TET3: variants seen among roughly 807,000 people sequenced by gnomAD.
TET3 encodes the protein tet methylcytosine dioxygenase 3.
In TET3, 19 loss-of-function variants were observed where a neutral mutation model predicts 141.4. That is an observed-to-expected ratio of 0.13 (90% CI 0.09 to 0.20). TET3 has a LOEUF of 0.20. Ranked by LOEUF, TET3 falls within the 10% of genes least tolerant of loss-of-function variation. The pLI is 1.00. For synonymous variants in TET3, 1,043 were observed against 980.9 expected, an observed-to-expected ratio of 1.06 and a Z score of -1.18; for missense variants, 1,874 against 2,356.9, an observed-to-expected ratio of 0.80 and a Z score of 4.24.
intron 2 of TET3, among the ~76,000 whole-genome samples, chr2:73,997,317 T>C (rs567175706): frequency 6.6e-6 from 1 of 152,292 alleles, no homozygotes; most frequent in East Asian, 1.9e-4. Flanking sequence ...CATGGGTGGC[T>C]CTTTCCTGTC....
chr2:74,068,213 G>A (rs1178226164), intron 4 of TET3, among the ~76,000 whole-genome samples: 1 of 151,792 alleles, frequency 6.6e-6, no homozygotes, highest in African/African-American at 2.4e-5. Context: ...TTTTTTACTG[G>A]AACACAGCTG....
Position 74,087,424 on chromosome 2 carries a change from G to A in TET3, c.2680-406G>A, listed in dbSNP as rs1690223217. ...TTCCACAGTGCCAAGCCCCTTGCAT[G>A]TTAACTAAAAACACACAGGTAGGCA... is the stretch of plus-strand genomic sequence containing the variant. On this transcript the variant is annotated intron_variant, in intron 6 of 11. Coordinates refer to ENST00000409262, the MANE Select transcript of TET3 (RefSeq NM_001287491.2). The surrounding 1 kb of genome is among the most constrained non-coding windows in gnomAD (Gnocchi z 4.3). 6.6e-6 allele frequency among the ~76,000 whole-genome samples: 1 copy of A among 152,092 alleles called. No individual in the cohort carries two copies. The highest frequency in any genetic ancestry group is 2.1e-4 in the South Asian group (1 of 4,830).
chr2:74,066,538 A>G (rs1378652817), intron 4 of TET3, among the ~76,000 whole-genome samples: 1 of 152,160 alleles, frequency 6.6e-6, no homozygotes, highest in East Asian at 1.9e-4. Context: ...TTGTTGTCAG[A>G]TTTCTTCTCT....
chr2:74,055,640 G>A (rs1272248199), intron 4 of TET3, among the ~76,000 whole-genome samples: 1 of 152,216 alleles, frequency 6.6e-6, no homozygotes, highest in Non-Finnish European at 1.5e-5. Context: ...TCTGTGGTTT[G>A]AATGTTGTTG....
the TET3 span, among the ~76,000 whole-genome samples, chr2:74,115,797 T>A: frequency 6.6e-6 from 1 of 152,114 alleles, no homozygotes; most frequent in Admixed American, 6.5e-5. Context: ...GCAGACTGCT[T>A]CAGCCCAGGA....
the TET3 span, chr2:74,130,646 G>A: frequency 6.6e-6 from 1 of 152,300 alleles, no homozygotes; most frequent in Non-Finnish European, 1.5e-5. Flanking sequence ...CTGGACCCGG[G>A]GATCGAGGGC....
chr2:73,990,633 T>C (rs918977052), intron 2 of TET3, among the ~76,000 whole-genome samples: 1 of 152,206 alleles, frequency 6.6e-6, no homozygotes, highest in African/African-American at 2.4e-5. Context: ...CTGAGAATAT[T>C]ATGGGTGAAA....
At chr2:74,034,538 A>G (rs1191235685) in intron 3 of TET3, among the ~76,000 whole-genome samples, 1 of 151,010 alleles carries the variant, frequency 6.6e-6, no homozygotes, top group Non-Finnish European at 1.5e-5. Flanking sequence ...TGAGGTTTGT[A>G]GACTCAGTAG....
intron 6 of TET3, among the ~76,000 whole-genome samples, chr2:74,081,081 G>C (rs1689795846): frequency 6.6e-6 from 1 of 152,238 alleles, no homozygotes; most frequent in South Asian, 2.1e-4. Flanking sequence ...GATCCAACCT[G>C]AGGGAAGAGG....
At chr2:74,124,715 G>C in the TET3 span, among the ~76,000 whole-genome samples, 1 of 152,092 alleles carries the variant, frequency 6.6e-6, no homozygotes, top group East Asian at 1.9e-4. Flanking sequence ...TTAAATAGAT[G>C]CTTGAAGGCA....
chr2:73,987,283 G>A (rs1484916008), intron 2 of TET3, among the ~76,000 whole-genome samples: 3 of 152,100 alleles, frequency 2.0e-5, no homozygotes, highest in Non-Finnish European at 4.4e-5. Flanking sequence ...TGTGTTCTCG[G>A]GACCTGGCAC....
intron 4 of TET3, among the ~76,000 whole-genome samples, chr2:74,070,804 C>T (rs1689162878): frequency 1.3e-5 from 2 of 151,960 alleles, no homozygotes; most frequent in African/African-American, 4.8e-5. Flanking sequence ...CAAAACCCTG[C>T]CTCTACAAAA....
chr2:74,113,536 T>C, the TET3 span, among the ~76,000 whole-genome samples: 1 of 151,952 alleles, frequency 6.6e-6, no homozygotes, highest in Admixed American at 6.6e-5. Flanking sequence ...GGATCACATA[T>C]ATATAAAAAC....
intron 3 of TET3, among the ~76,000 whole-genome samples, chr2:74,019,839 C>T (rs537121647): frequency 6.0e-4 from 91 of 152,324 alleles, no homozygotes; most frequent in South Asian, 4.8e-3. Flanking sequence ...CTCTGAGCCT[C>T]TATCTCATTA....
chr2:74,131,893 T>C, the TET3 span, among the ~76,000 whole-genome samples: 1 of 141,294 alleles, frequency 7.1e-6, no homozygotes. Context: ...ACTTTCCTTT[T>C]AATTTGGGGG....
At chr2:74,023,881 GT>G (rs1686201609) in intron 3 of TET3, among the ~76,000 whole-genome samples, 1 of 151,914 alleles carries the variant, frequency 6.6e-6, no homozygotes, top group African/African-American at 2.4e-5. Context: ...TTTCAGGAGA[GT>G]CATCTCTTGG....
intron 2 of TET3, among the ~76,000 whole-genome samples, chr2:73,991,250 C>G (rs1391419876): frequency 2.0e-5 from 3 of 151,952 alleles, no homozygotes; most frequent in African/African-American, 7.3e-5. Flanking sequence ...GCCACAGATT[C>G]TAAATGAAAA....
chr2:74,097,199 A>G (rs1245034711), intron 10 of TET3, among the ~76,000 whole-genome samples: 9 of 141,416 alleles, frequency 6.4e-5, no homozygotes, highest in African/African-American at 2.5e-4. Context: ...ATACATGCAC[A>G]CACACACACA....
Position 74,093,067 on chromosome 2 carries a change from G to T in TET3, c.3129+76G>T. 1.5e-6 allele frequency: 2 copies of T among 1,342,280 alleles called. No homozygotes were observed. Among genetic ancestry groups the T allele is most frequent in the South Asian group, 2.5e-5 (2 of 79,436 alleles). The allele number at this position is 1,342,280 out of a possible 1,614,324, so 83.1% of individuals were successfully genotyped here. A position where few individuals can be genotyped will look rare whatever the true frequency, so the allele number is the denominator to read the frequency against. On this transcript the variant is annotated intron_variant, in intron 9 of 11. Coordinates refer to ENST00000409262, the MANE Select transcript of TET3 (RefSeq NM_001287491.2). This position sits in a 1 kb window ranked among gnomAD's most constrained non-coding sequence, Gnocchi z 4.2. ...GCTCAGGCTCTGAAGGTGGGAAGTG[G>T]GAGAGTGGGCTCTTTTACTCTCTTA... is the stretch of plus-strand genomic sequence containing the variant.
Sources: allele counts gnomAD v4.1 joint callset (sites outside exome capture counted in the v4.1 genomes callset), GRCh38; gene constraint gnomAD v4.1.1; non-coding constraint Gnocchi (gnomAD v3.1); transcripts MANE v1.5; gene names NCBI Gene and HGNC (gene_info 2026-07-23, HGNC 2026-07-21).